The following ATP9B variants were observed in gnomAD, a reference collection of about 807,000 sequenced individuals.
The protein encoded by ATP9B is ATPase phospholipid transporting 9B.
In ATP9B, 110 loss-of-function variants were observed where a neutral mutation model predicts 146.1. The observed-to-expected ratio is 0.75, with a 90% CI of 0.65 to 0.88. ATP9B has a LOEUF of 0.88. Among genes scored for constraint, ATP9B ranks in the 40% least tolerant of loss-of-function variants. The pLI, the probability that ATP9B is intolerant of heterozygous loss-of-function variation, is 0.00. For missense variants in ATP9B, 1,499 were observed against 1,496.4 expected (o/e 1.00, Z -0.03); for synonymous variants, 604 against 569.7 (o/e 1.06, Z -0.86).
rs529179569 is a variant in ATP9B, at chr18:79,148,614, A to G, written c.726+4754A>G. Among the ~76,000 whole-genome samples the G allele has an allele frequency of 5.9e-5, 9 of 152,326 alleles. No individual in the cohort carries two copies. The South Asian group carries it at 1.5e-3, about 25-fold the overall frequency. ...ACAATATCTTGTTTAAAAAGAATCTATAAAATACTTAATGGTGTAAGACTG... is the reference window on the plus strand; with the variant it reads ...ACAATATCTTGTTTAAAAAGAATCTGTAAAATACTTAATGGTGTAAGACTG... On this transcript the variant is annotated intron_variant, in intron 6 of 29. Coordinates refer to ENST00000426216, the MANE Select transcript of ATP9B (RefSeq NM_198531.5).
At chr18:79,279,603 A>G (rs546171317) in intron 13 of ATP9B, among the ~76,000 whole-genome samples, 4 of 152,332 alleles carry the variant, frequency 2.6e-5, no homozygotes, top group African/African-American at 4.8e-5. Context: ...ACCAGCAACC[A>G]TTAGGACATT....
chr18:79,147,382 A>G (rs1259442379), intron 6 of ATP9B, among the ~76,000 whole-genome samples: 1 of 152,230 alleles, frequency 6.6e-6, no homozygotes, highest in Admixed American at 6.5e-5. Flanking sequence ...TGTCAGTAGG[A>G]GAGAACACAT....
chr18:79,327,632 C>T lies in ATP9B; in HGVS notation c.1774-1509C>T, dbSNP rs1287648543. 1.5e-5 allele frequency among the ~76,000 whole-genome samples: 2 copies of T among 137,114 alleles called. 1 individual carries two copies. The highest frequency in any genetic ancestry group is 3.1e-5 in the Non-Finnish European group (2 of 65,060). The allele number at this position is 137,114 out of a possible 152,430, so 90.0% of individuals were successfully genotyped here. A position where few individuals can be genotyped will look rare whatever the true frequency, so the allele number is the denominator to read the frequency against. On this transcript the variant is annotated intron_variant, in intron 15 of 29. Transcript: ENST00000426216. The stretch of plus-strand genomic sequence containing the variant: ...TAGCGTGCCCTCCCTGGTTAGTGTG[C>T]CCTCCCTGGTTAGCATGCTCTCCGT...
rs376865211 is a variant in ATP9B, at chr18:79,139,033, A to G, written c.668-4769A>G. 2.6e-5 allele frequency among the ~76,000 whole-genome samples: 4 copies of G among 152,310 alleles called. No individual in the cohort carries two copies. The East Asian group carries it at 7.7e-4, about 29-fold the overall frequency. ...CAGTGAGCCATGATTGTGCCACTAT[A>G]CTCCAGACTGGGTGACAGAAAATAA... On this transcript the variant is annotated intron_variant, in intron 5 of 29. Transcript: ENST00000426216.
chr18:79,216,813 G>C (rs940108731), intron 11 of ATP9B, among the ~76,000 whole-genome samples: 1 of 152,210 alleles, frequency 6.6e-6, no homozygotes, highest in East Asian at 1.9e-4. Context: ...GAGTTTTACA[G>C]AATTGGATTT....
intron 1 of ATP9B, among the ~76,000 whole-genome samples, chr18:79,080,425 A>C (rs118154385): frequency 0.061 from 9,255 of 152,296 alleles, 363 homozygotes; most frequent in Non-Finnish European, 0.092. Context: ...AAATTCACTC[A>C]TGATTTGGCT....
At chr18:79,215,961 A>G (rs1188169669) in intron 11 of ATP9B, among the ~76,000 whole-genome samples, 1 of 152,224 alleles carries the variant, frequency 6.6e-6, no homozygotes, top group South Asian at 2.1e-4. Context: ...AAGTGCTAGG[A>G]TTACAGGCGT....
intron 7 of ATP9B, among the ~76,000 whole-genome samples, chr18:79,168,517 T>C (rs1467879562): frequency 6.6e-6 from 1 of 152,098 alleles, no homozygotes; most frequent in East Asian, 1.9e-4. Context: ...ATCATGGCAC[T>C]CTTCACTCAC....
At chr18:79,314,055 A>G (rs942018690) in intron 15 of ATP9B, among the ~76,000 whole-genome samples, 2 of 152,166 alleles carry the variant, frequency 1.3e-5, no homozygotes, top group African/African-American at 2.4e-5. Context: ...TTTTAAAAGC[A>G]TTTTTTATCG....
intron 15 of ATP9B, among the ~76,000 whole-genome samples, chr18:79,328,504 G>A (rs1191472919): frequency 2.6e-5 from 4 of 152,112 alleles, no homozygotes; most frequent in African/African-American, 9.7e-5. Context: ...AATTTGGAAG[G>A]CCATTTTTCC....
chr18:79,334,556 C>A (rs1345421577), intron 17 of ATP9B, among the ~76,000 whole-genome samples: 1 of 152,058 alleles, frequency 6.6e-6, no homozygotes, highest in Non-Finnish European at 1.5e-5. Flanking sequence ...CTGTCCTGAG[C>A]CCCGTCCTGG....
intron 25 of ATP9B, among the ~76,000 whole-genome samples, chr18:79,351,978 T>G (rs1282309647): frequency 6.6e-6 from 1 of 152,074 alleles, no homozygotes; most frequent in Admixed American, 6.5e-5. Context: ...GGCCAAGTCC[T>G]CATGGGGAAC....
chr18:79,193,382 G>A, intron 9 of ATP9B, 119 bp downstream of exon 9: 2 of 825,626 alleles, frequency 2.4e-6, no homozygotes, highest in Admixed American at 2.4e-5. Context: ...ACTAGGAAGG[G>A]AAAACCTATA....
At chr18:79,190,147 A>G (rs2148110570) in intron 8 of ATP9B, among the ~76,000 whole-genome samples, 1 of 152,296 alleles carries the variant, frequency 6.6e-6, no homozygotes, top group East Asian at 1.9e-4. Flanking sequence ...ATCATTAGCA[A>G]GTCACTCGGC....
chr18:79,263,880 C>T (rs941839351), intron 12 of ATP9B, among the ~76,000 whole-genome samples: 83 of 152,248 alleles, frequency 5.5e-4, no homozygotes, highest in African/African-American at 1.9e-3. Context: ...GTCAGGAGAT[C>T]GAGACCATCC....
chr18:79,071,399 C>CTTTTTTCTTTTTTTTTTTTTTTTTTTT (rs2071774634), intron 1 of ATP9B, among the ~76,000 whole-genome samples: 1 of 69,268 alleles, frequency 1.4e-5, no homozygotes, highest in South Asian at 6.1e-4. Flanking sequence ...ATTGTTCTTC[C>CTTTTTTCTTTTTTTTTTTTTTTTTTTT]TTTTTTTTTT....
At chr18:79,347,179 G>GTGTTACTC in intron 23 of ATP9B, among the ~76,000 whole-genome samples, 1 of 152,154 alleles carries the variant, frequency 6.6e-6, no homozygotes, top group South Asian at 2.1e-4. Context: ...AGCTTTATCT[G>GTGTTACTC]TGTTACTCTC....
At chr18:79,371,778 G>A (rs1374241482) in intron 26 of ATP9B, among the ~76,000 whole-genome samples, 1 of 152,192 alleles carries the variant, frequency 6.6e-6, no homozygotes, top group African/African-American at 2.4e-5. Context: ...GTGAGGGTTT[G>A]TCTTTCCTCT....
intron 5 of ATP9B, among the ~76,000 whole-genome samples, chr18:79,134,695 A>C (rs2094426876): frequency 6.9e-6 from 1 of 144,100 alleles, no homozygotes; most frequent in Non-Finnish European, 1.5e-5. Context: ...AAATTACTTA[A>C]TACCTTTTGT....
Sources: gnomAD v4.1 joint callset for allele counts (sites outside exome capture counted in the v4.1 genomes callset) on GRCh38, gnomAD v4.1.1 for gene constraint, MANE v1.5 for transcripts, NCBI Gene and HGNC (gene_info 2026-07-23, HGNC 2026-07-21) for gene names.